The following CCDC146 variants were observed in gnomAD, a reference collection of about 807,000 sequenced individuals.
CCDC146 encodes the protein coiled-coil domain-containing protein 146.
In CCDC146, 92 loss-of-function variants were observed where a neutral mutation model predicts 119.3. The observed-to-expected ratio is 0.77, with a 90% CI of 0.65 to 0.92. The LOEUF (loss-of-function observed/expected upper bound fraction) is 0.92, where lower values mean the gene tolerates loss of function less well. Among genes scored for constraint, CCDC146 ranks in the 40% least tolerant of loss-of-function variants. The pLI, the probability that CCDC146 is intolerant of heterozygous loss-of-function variation, is 0.00. For synonymous variants in CCDC146, 372 were observed against 371.8 expected, an observed-to-expected ratio of 1.00 and a Z score of -0.01; for missense variants, 1,000 against 1,103.0, an observed-to-expected ratio of 0.91 and a Z score of 1.32.
chr7:77,197,694 A>AAG (rs1391598265), intron 2 of CCDC146, among the ~76,000 whole-genome samples: 1 of 152,236 alleles, frequency 6.6e-6, no homozygotes, highest in African/African-American at 2.4e-5. Flanking sequence ...TCATAAATTC[A>AAG]TATTCATTTC....
chr7:77,199,063 T>C, intron 2 of CCDC146: 1 of 877,626 alleles, frequency 1.1e-6, no homozygotes, highest in Non-Finnish European at 1.8e-6. Flanking sequence ...TGCACCTTGA[T>C]AAATAAAAGA....
chr7:77,149,525 G>A (rs1371518367), intron 1 of CCDC146, among the ~76,000 whole-genome samples: 2 of 152,054 alleles, frequency 1.3e-5, no homozygotes. Flanking sequence ...CAGCACTTTG[G>A]GAAGCTGAGG....
At chr7:77,287,299 AG>A in intron 16 of CCDC146, 140 bp from the exon 17 acceptor site, 1 of 804,528 alleles carries the variant, frequency 1.2e-6, no homozygotes, top group Non-Finnish European at 2.0e-6. Flanking sequence ...GGGCTGGGGC[AG>A]GGAAAGTCTT....
chr7:77,293,460 A>G (rs1014554650), intron 18 of CCDC146, among the ~76,000 whole-genome samples: 4 of 152,214 alleles, frequency 2.6e-5, no homozygotes, highest in East Asian at 1.9e-4. Flanking sequence ...GAGGCTGAAC[A>G]TCATGGCCTT....
At chr7:77,226,078 C>A (rs1428914860) in intron 2 of CCDC146, among the ~76,000 whole-genome samples, 6 of 152,172 alleles carry the variant, frequency 3.9e-5, no homozygotes, top group Admixed American at 1.3e-4. Flanking sequence ...CTAATATTTT[C>A]TGTGAATGAG....
At chr7:77,246,147 C>A (rs1160130728) in intron 4 of CCDC146, among the ~76,000 whole-genome samples, 2 of 152,148 alleles carry the variant, frequency 1.3e-5, no homozygotes, top group Non-Finnish European at 2.9e-5. Flanking sequence ...ACTGGTCAGT[C>A]ACCAGAGTCT....
rs115530011 is a variant in CCDC146 at position 77,237,548 on chromosome 7, C to T, written c.239+519C>T. 7.7e-3 allele frequency among the ~76,000 whole-genome samples: 1,175 copies of T among 152,308 alleles called. 23 individuals are homozygous for T. The highest frequency in any genetic ancestry group is 0.026 in the African/African-American group (1,079 of 41,556). On this transcript the variant is annotated intron_variant, in intron 3 of 18. Coordinates refer to ENST00000285871, the MANE Select transcript of CCDC146 (RefSeq NM_020879.3). Reference sequence around the variant, plus strand: ...TGGGCAAAAGGATTCTGGTGGGACACTGACAGTCTCTGCATAGGACACACC... The same window carrying T: ...TGGGCAAAAGGATTCTGGTGGGACATTGACAGTCTCTGCATAGGACACACC...
intron 1 of CCDC146, among the ~76,000 whole-genome samples, chr7:77,150,603 T>G (rs911624079): frequency 3.9e-5 from 6 of 152,188 alleles, no homozygotes; most frequent in African/African-American, 1.4e-4. Context: ...GGTACGTTAT[T>G]GGTAGGAATA....
intron 1 of CCDC146, among the ~76,000 whole-genome samples, chr7:77,162,681 C>T (rs561751285): frequency 2.6e-5 from 4 of 151,688 alleles, no homozygotes; most frequent in Admixed American, 2.0e-4. Flanking sequence ...GAAAAAAGTG[C>T]CATTGGAATT....
intron 2 of CCDC146, chr7:77,199,650 T>C (rs759844763): frequency 6.2e-7 from 1 of 1,614,230 alleles, no homozygotes; most frequent in Non-Finnish European, 8.5e-7. Flanking sequence ...CCTCTTCGCA[T>C]TTCCCTCTGC....
rs1793981299 is a variant in CCDC146, at chr7:77,293,153, C to T, written c.2617C>T (p.Leu873Phe). The T allele has an allele frequency of 1.2e-6, 2 of 1,614,078 alleles. No individual in the cohort carries two copies. The highest frequency in any genetic ancestry group is 8.5e-7 in the Non-Finnish European group (1 of 1,180,012). The change falls in exon 18 of 19, where the codon CTT becomes TTT. Residue 873 changes from leucine to phenylalanine, a missense_variant. Leu to Phe is a conservative substitution (Grantham distance 22). This residue lies in a region of CCDC146 where 985 missense variants were observed against 1,045.3 expected (regional missense o/e 0.94). Transcript: ENST00000285871. ...AATTGAGAAAGAATGGTTGAAAGTC[C>T]TTCGAGATGAAGAAATGCACGCCTT... is the stretch of plus-strand genomic sequence containing the variant. ...KEIEKEWLKVLRDEEMHALAI... is the reference protein window; with the variant it reads ...KEIEKEWLKVFRDEEMHALAI...
At chr7:77,192,859 G>C (rs1791794565) in intron 2 of CCDC146, among the ~76,000 whole-genome samples, 1 of 152,044 alleles carries the variant, frequency 6.6e-6, no homozygotes, top group African/African-American at 2.4e-5. Flanking sequence ...GGAGGCAGAG[G>C]TTGCAGTGAG....
chr7:77,138,603 T>C (rs1286921056), intron 1 of CCDC146, among the ~76,000 whole-genome samples: 6 of 152,122 alleles, frequency 3.9e-5, no homozygotes, highest in Admixed American at 3.3e-4. Context: ...ACCCACAGGC[T>C]GGGAGAAAAT....
At chr7:77,290,335 T>C (rs975957691) in intron 17 of CCDC146, among the ~76,000 whole-genome samples, 5 of 151,616 alleles carry the variant, frequency 3.3e-5, no homozygotes, top group Admixed American at 6.6e-5. Context: ...ATGTAACAAA[T>C]CTGCACGTTG....
chr7:77,222,162 G>C (rs1277676328), intron 2 of CCDC146, among the ~76,000 whole-genome samples: 1 of 152,182 alleles, frequency 6.6e-6, no homozygotes, highest in East Asian at 1.9e-4. Flanking sequence ...CTTATATTCT[G>C]CTCCCAAGTT....
chr7:77,274,154 G>T (rs1438749304), intron 10 of CCDC146, among the ~76,000 whole-genome samples: 2 of 152,078 alleles, frequency 1.3e-5, no homozygotes. Context: ...ATACAAAGAG[G>T]TTCTATCATG....
intron 14 of CCDC146, among the ~76,000 whole-genome samples, chr7:77,281,916 G>A (rs959318487): frequency 4.6e-5 from 7 of 152,212 alleles, no homozygotes; most frequent in African/African-American, 1.7e-4. Flanking sequence ...TGTGCACCCA[G>A]GTGCCACTCA....
intron 4 of CCDC146, among the ~76,000 whole-genome samples, chr7:77,243,365 A>G (rs936635094): frequency 2.6e-5 from 4 of 152,242 alleles, no homozygotes; most frequent in African/African-American, 9.6e-5. Flanking sequence ...TTTTGAATTT[A>G]TAATGTATCA....
intron 4 of CCDC146, among the ~76,000 whole-genome samples, chr7:77,245,189 T>C (rs1242527541): frequency 6.6e-6 from 1 of 152,238 alleles, no homozygotes; most frequent in Non-Finnish European, 1.5e-5. Flanking sequence ...TCTGGATTAA[T>C]ATTTATGACT....
Sources: gnomAD v4.1 joint callset for allele counts (sites outside exome capture counted in the v4.1 genomes callset) on GRCh38, gnomAD v4.1.1 for gene constraint, gnomAD v4.1.1 regional missense constraint, MANE v1.5 for transcripts, NCBI Gene and HGNC (gene_info 2026-07-23, HGNC 2026-07-21) for gene names.